Variants in DNAH12 observed in about 807,000 individuals in gnomAD.
DNAH12 encodes the protein dynein axonemal heavy chain 12, also known as axonemal beta dynein heavy chain 12.
Under a neutral mutation model 371.5 loss-of-function variants are expected in DNAH12, and 285 were observed. The observed-to-expected ratio is 0.77, with a 90% confidence interval of 0.70 to 0.85. DNAH12 has a LOEUF of 0.85. DNAH12 is among the 40% of genes least tolerant of loss of function. DNAH12 has a pLI of 0.00. For missense variants in DNAH12, 3,611 were observed against 3,689.4 expected, an observed-to-expected ratio of 0.98 and a Z score of 0.55; for synonymous variants, 1,200 against 1,213.0, an observed-to-expected ratio of 0.99 and a Z score of 0.22.
intron 2 of DNAH12, among the ~76,000 whole-genome samples, chr3:57,525,799 G>C (rs1400590302): frequency 5.1e-5 from 5 of 97,470 alleles, no homozygotes; most frequent in Admixed American, 3.4e-4. Flanking sequence ...GTCTCACTCT[G>C]TCCCCCAGGC....
chr3:57,381,404 AGT>A (rs2063388140), intron 50 of DNAH12, among the ~76,000 whole-genome samples: 1 of 152,192 alleles, frequency 6.6e-6, no homozygotes, highest in Non-Finnish European at 1.5e-5. Flanking sequence ...AAATAAAATT[AGT>A]CTGTAAATTC....
chr3:57,340,592 T>C (rs920194361), intron 60 of DNAH12, among the ~76,000 whole-genome samples: 39 of 152,068 alleles, frequency 2.6e-4, no homozygotes, highest in Non-Finnish European at 1.2e-4. Flanking sequence ...CCTATCAAGA[T>C]TGAACCAAGG....
intron 62 of DNAH12, among the ~76,000 whole-genome samples, chr3:57,324,496 T>G (rs1285133789): frequency 6.6e-6 from 1 of 152,064 alleles, no homozygotes. Context: ...TTTAAATTAG[T>G]AGATATGGAG....
chr3:57,501,977 G>C (rs1333331572), intron 10 of DNAH12, among the ~76,000 whole-genome samples: 1 of 151,844 alleles, frequency 6.6e-6, no homozygotes, highest in Non-Finnish European at 1.5e-5. Flanking sequence ...CGCGATCTCG[G>C]CTCACTGCAA....
chr3:57,440,574 AC>A (rs2153368710), intron 29 of DNAH12, among the ~76,000 whole-genome samples: 1 of 152,358 alleles, frequency 6.6e-6, no homozygotes, highest in Non-Finnish European at 1.5e-5. Context: ...ACTATTGGGT[AC>A]TATGCTCAGT....
chr3:57,550,291 G>A, the DNAH12 span, among the ~76,000 whole-genome samples: 11 of 152,036 alleles, frequency 7.2e-5, 1 homozygote, highest in South Asian at 1.5e-3. Context: ...ACACCAGCCT[G>A]GGTCACAGAT....
intron 42 of DNAH12, among the ~76,000 whole-genome samples, chr3:57,404,597 G>A (rs2063969091): frequency 6.6e-6 from 1 of 152,086 alleles, no homozygotes. Context: ...GCGCATGCCT[G>A]TACTCCCAGC....
intron 43 of DNAH12, among the ~76,000 whole-genome samples, chr3:57,397,225 T>C (rs2063760796): frequency 6.6e-6 from 1 of 152,112 alleles, no homozygotes; most frequent in South Asian, 2.1e-4. Flanking sequence ...ATTAGCAATA[T>C]ACAGAACACA....
At chr3:57,356,254 C>T (rs2062796318) in intron 59 of DNAH12, among the ~76,000 whole-genome samples, 1 of 151,886 alleles carries the variant, frequency 6.6e-6, no homozygotes. Context: ...CCAGCCTGGG[C>T]AACATGGTGA....
chr3:57,519,726 C>T (rs2153397070), intron 4 of DNAH12: 1 of 1,611,356 alleles, frequency 6.2e-7, no homozygotes, highest in Non-Finnish European at 8.5e-7. Context: ...AGCGATTGTT[C>T]TGTTTCACCC....
intron 17 of DNAH12, among the ~76,000 whole-genome samples, chr3:57,466,054 C>T (rs1400303147): frequency 8.4e-6 from 1 of 118,492 alleles, no homozygotes; most frequent in Non-Finnish European, 1.8e-5. Context: ...GTCACACCTT[C>T]AAACACATGC....
In DNAH12 at chr3:57,400,763, A is replaced by G. The variant is rs1559616801; in HGVS notation, c.6948+2546T>C. 5.9e-5 allele frequency among the ~76,000 whole-genome samples: 9 copies of G among 152,354 alleles called. No individual in the cohort carries two copies. The South Asian group carries it at 1.9e-3, about 32-fold the overall frequency. On this transcript the variant is annotated intron_variant, in intron 43 of 73. Transcript: ENST00000495027. The stretch of plus-strand genomic sequence containing the variant: ...AAGCCACAAGTAAGGGGGGACTACC[A>G]TAATAGTAAGAGACTTGAATACCCC...
At chr3:57,312,883 T>C (rs1468723644) in intron 66 of DNAH12, among the ~76,000 whole-genome samples, 2 of 152,228 alleles carry the variant, frequency 1.3e-5, no homozygotes, top group African/African-American at 4.8e-5. Flanking sequence ...AAAGACTCGA[T>C]AAAATATCAA....
At position 57,468,991 on chromosome 3, in the gene DNAH12, GA is replaced by G. The variant is rs997296817; in HGVS notation, c.2106-13del. 10 of 1,512,472 alleles carry G rather than the reference GA, an allele frequency of 6.6e-6. No homozygotes were observed. The highest frequency in any genetic ancestry group is 8.8e-6 in the Non-Finnish European group (10 of 1,136,322). 93.7% of individuals were successfully genotyped at this position (1,512,472 alleles called of 1,614,324 possible). ...CTCCATCCATCCACCTGAATGGAAAGAAAAAATATTATTAAACTCAGACTTT... is the reference window on the plus strand; with the variant it reads ...CTCCATCCATCCACCTGAATGGAAAGAAAAATATTATTAAACTCAGACTTT... On this transcript the variant is annotated splice_polypyrimidine_tract_variant and intron_variant, in intron 16 of 73. Coordinates refer to ENST00000495027, the MANE Select transcript of DNAH12 (RefSeq NM_001366028.2).
chr3:57,405,674 A>T lies in DNAH12; in HGVS notation c.6555T>A (p.His2185Gln). 1 of 1,551,258 alleles carries T rather than the reference A, an allele frequency of 6.4e-7. No individual in the cohort carries two copies. Among genetic ancestry groups the T allele is most frequent in the Non-Finnish European group, 8.7e-7 (1 of 1,146,732 alleles). The change falls in exon 41 of 74, where the codon CAT (histidine) becomes CAA (glutamine). Residue 2185 changes from histidine (H) to glutamine (Q), a missense_variant. By Grantham distance (24) the His-to-Gln change is conservative (BLOSUM62 0). Transcript: ENST00000495027. ...TCACTGGTGCATTTTGTTTCCTCAA[A>T]TGTGAAAAGATACTGTGAAATGATT... ...FKESFHSIFS[H>Q]LRKQNAPVTE... is the part of the protein sequence containing the mutation.
Position 57,462,762 on chromosome 3 carries a change from C to G in DNAH12, c.2463G>C (p.Leu821=). The part of the protein sequence containing the change: ...YDLTPDSGTT[L]RKVLKLNLTP... Reference sequence around the variant, plus strand: ...TAAGGTTTAATTTTAAAACTTTTCTCAGTGTAGTTCCAGAGTCTGGAGTCA... The same window carrying G: ...TAAGGTTTAATTTTAAAACTTTTCTGAGTGTAGTTCCAGAGTCTGGAGTCA... Residue 821 remains leucine, a synonymous_variant, in exon 18 of 74, where the codon CTG becomes CTC. Transcript: ENST00000495027. 6.4e-7 allele frequency: 1 copy of G among 1,551,498 alleles called. No individual in the cohort carries two copies. Among genetic ancestry groups the G allele is most frequent in the Non-Finnish European group, 8.7e-7 (1 of 1,146,928 alleles).
chr3:57,552,998 G>A, the DNAH12 span, among the ~76,000 whole-genome samples: 6 of 152,194 alleles, frequency 3.9e-5, no homozygotes, highest in South Asian at 1.2e-3. Context: ...CCAACATGGA[G>A]AAACCCTGTC....
Position 57,444,749 on chromosome 3 carries a change from C to T in DNAH12, c.4493G>A (p.Gly1498Glu), listed in dbSNP as rs771153319. The T allele has an allele frequency of 6.5e-7, 1 of 1,549,666 alleles. No individual in the cohort carries two copies. Among genetic ancestry groups the T allele is most frequent in the South Asian group, 1.2e-5 (1 of 83,586 alleles). Residue 1498 changes from glycine to glutamate, a missense_variant, in exon 29 of 74, where the codon GGA becomes GAA. Around this residue, in one of 3 missense-constraint regions of DNAH12, gnomAD observed 2,266 missense variants for 2,236.9 expected, o/e 1.01. Transcript: ENST00000495027. ...ACCAGGAAATAAGTCACTAGTTATT[C>T]CATTAAATAAAGGTATATCATGTGA... ...FLSHDIPLFN[G>E]ITSDLFPGIK...
intron 11 of DNAH12, among the ~76,000 whole-genome samples, chr3:57,491,019 T>C (rs1012563337): frequency 7.0e-6 from 1 of 143,480 alleles, no homozygotes; most frequent in African/African-American, 2.6e-5. Flanking sequence ...GAGGTAGAGA[T>C]TGCAGTGAGC....
Sources: gnomAD v4.1 joint callset for allele counts (sites outside exome capture counted in the v4.1 genomes callset) on GRCh38, gnomAD v4.1.1 for gene constraint, gnomAD v4.1.1 regional missense constraint, MANE v1.5 for transcripts, NCBI Gene and HGNC (gene_info 2026-07-23, HGNC 2026-07-21) for gene names.